The following CAMK2B variants were observed in gnomAD, a reference collection of about 807,000 sequenced individuals.
CAMK2B encodes the protein calcium/calmodulin-dependent protein kinase type II subunit beta.
A neutral mutation model predicts 93.7 loss-of-function variants in CAMK2B; 27 were observed. The observed-to-expected ratio is 0.29, with a 90% CI of 0.21 to 0.40. The LOEUF is 0.40. Among genes scored for constraint, CAMK2B ranks in the 10% least tolerant of loss-of-function variants. CAMK2B has a pLI of 1.00. For synonymous variants in CAMK2B, 374 were observed against 358.8 expected, an observed-to-expected ratio of 1.04 and a Z score of -0.48; for missense variants, 568 against 895.8, an observed-to-expected ratio of 0.63 and a Z score of 4.67.
At chr7:44,252,814 G>A (rs972389847) in intron 5 of CAMK2B, among the ~76,000 whole-genome samples, 5 of 152,244 alleles carry the variant, frequency 3.3e-5, no homozygotes, top group Non-Finnish European at 2.9e-5. Context: ...CAGGGGGACA[G>A]GGCTCCGTTC....
At chr7:44,288,931 C>T (rs573404315) in intron 1 of CAMK2B, among the ~76,000 whole-genome samples, 6 of 152,198 alleles carry the variant, frequency 3.9e-5, no homozygotes, top group East Asian at 1.9e-4. Flanking sequence ...CCAGGGCAGT[C>T]GGTGTTTCAC....
chr7:44,325,367 C>A lies in CAMK2B; in HGVS notation c.55G>T (p.Asp19Tyr). ...CGCCGCTGCTCTTACTTGCCAATAT[C>A]CTCGTAGAGCTGGTACTCGTCGGTG... ...RFTDEYQLYE[D>Y]IGKGAFSVVR... is the part of the protein sequence containing the mutation. Residue 19 changes from aspartate to tyrosine, a missense_variant, in exon 1 of 24, where the codon GAT becomes TAT. Asp to Tyr is a radical substitution (Grantham distance 160). This residue lies in a region of CAMK2B where 39 missense variants were observed against 43.4 expected (regional missense o/e 0.90). Coordinates refer to ENST00000395749, the MANE Select transcript of CAMK2B (RefSeq NM_001220.5). 1 of 1,246,894 alleles carries A rather than the reference C, an allele frequency of 8.0e-7. No individual in the cohort carries two copies. The highest frequency in any genetic ancestry group is 1.6e-5 in the South Asian group (1 of 61,030). 77.2% of individuals were successfully genotyped at this position (1,246,894 alleles called of 1,614,324 possible). A position where few individuals can be genotyped will look rare whatever the true frequency, so the allele number is the denominator to read the frequency against.
At chr7:44,270,083 C>G (rs1156621498) in intron 2 of CAMK2B, among the ~76,000 whole-genome samples, 3 of 151,988 alleles carry the variant, frequency 2.0e-5, no homozygotes, top group Non-Finnish European at 4.4e-5. Context: ...TACCCCCCCC[C>G]CATTCCAGGC....
intron 5 of CAMK2B, among the ~76,000 whole-genome samples, chr7:44,251,299 C>T (rs2096778252): frequency 6.6e-6 from 1 of 152,180 alleles, no homozygotes; most frequent in Admixed American, 6.5e-5. Context: ...ATAGTCCTGC[C>T]CTGAGTTTGT....
At chr7:44,260,467 A>G (rs1002985078) in intron 3 of CAMK2B, among the ~76,000 whole-genome samples, 1 of 152,172 alleles carries the variant, frequency 6.6e-6, no homozygotes, top group African/African-American at 2.4e-5. Context: ...CCTCCACAGA[A>G]TCAGAAAATA....
chr7:44,315,754 T>C (rs1794700271), intron 1 of CAMK2B, among the ~76,000 whole-genome samples: 1 of 152,208 alleles, frequency 6.6e-6, no homozygotes, highest in African/African-American at 2.4e-5. Flanking sequence ...CAGTGGTTTG[T>C]GGTTTTCAAT....
intron 1 of CAMK2B, 120 bp from the exon 2 acceptor site, chr7:44,284,345 C>T (rs186423577): frequency 6.4e-4 from 462 of 719,672 alleles, no homozygotes; most frequent in Middle Eastern, 6.0e-3. Context: ...GGCCCGGCCT[C>T]GGGCAGATGG....
In CAMK2B at chr7:44,286,413, C is replaced by T. The variant is rs894380666; in HGVS notation, c.66-2188G>A. ...TCAGTAGGAAGTTCAACAGACTGCA[C>T]ATCTATGCCAAGCTGATGATGCCCG... On this transcript the variant is annotated intron_variant, in intron 1 of 23. Transcript: ENST00000395749. This position sits in a 1 kb window ranked among gnomAD's most constrained non-coding sequence, Gnocchi z 4.0. Among the ~76,000 whole-genome samples the T allele has an allele frequency of 1.3e-5, 2 of 152,166 alleles. No individual in the cohort carries two copies. The highest frequency in any genetic ancestry group is 2.9e-5 in the Non-Finnish European group (2 of 68,028).
intron 2 of CAMK2B, among the ~76,000 whole-genome samples, chr7:44,277,550 C>G (rs1020553823): frequency 1.3e-5 from 2 of 152,268 alleles, no homozygotes; most frequent in South Asian, 2.1e-4. Context: ...CCTGCTCGGG[C>G]CCGGACATGA....
At chr7:44,284,412 C>T (rs1023925275) in intron 1 of CAMK2B, among the ~76,000 whole-genome samples, 187 bp from the exon 2 acceptor site, 3 of 152,268 alleles carry the variant, frequency 2.0e-5, no homozygotes, top group Admixed American at 6.5e-5. Flanking sequence ...TCTCAGCTGG[C>T]CCCACTCAAC....
At chr7:44,260,163 T>C (rs966225094) in intron 3 of CAMK2B, among the ~76,000 whole-genome samples, 2 of 152,026 alleles carry the variant, frequency 1.3e-5, no homozygotes, top group Admixed American at 6.6e-5. Flanking sequence ...CGTAGCCACC[T>C]TCTCCTAGGT....
intron 16 of CAMK2B, among the ~76,000 whole-genome samples, chr7:44,231,878 C>T (rs1296112822): frequency 3.3e-5 from 5 of 152,232 alleles, no homozygotes; most frequent in Non-Finnish European, 7.4e-5. Context: ...CCTGGGGGAC[C>T]GCCCCCTGGT....
chr7:44,235,407 A>C (rs1173455986), intron 13 of CAMK2B, among the ~76,000 whole-genome samples: 1 of 152,192 alleles, frequency 6.6e-6, no homozygotes, highest in Non-Finnish European at 1.5e-5. Flanking sequence ...CTCACCCAGC[A>C]TTCCCCCTCA....
intron 1 of CAMK2B, among the ~76,000 whole-genome samples, chr7:44,320,917 G>A (rs1795911600): frequency 1.3e-5 from 2 of 152,164 alleles, no homozygotes; most frequent in Admixed American, 1.3e-4. Flanking sequence ...ATCAGATGGG[G>A]CAAAGTGCCA....
rs746012591 is a variant in CAMK2B at position 44,220,310 on chromosome 7, G to A, written c.1769-16C>T. 67 of 1,596,836 alleles carry A rather than the reference G, an allele frequency of 4.2e-5. No homozygotes were observed. Among genetic ancestry groups the A allele is most frequent in the Non-Finnish European group, 4.9e-5 (57 of 1,166,176 alleles). ...TTGGCCAGCACTGTGGACAGCAGGC[G>A]GGGCGGGGGTCTCGGGTTACCATGA... On this transcript the variant is annotated splice_polypyrimidine_tract_variant and intron_variant, in intron 22 of 23. Coordinates refer to ENST00000395749, the MANE Select transcript of CAMK2B (RefSeq NM_001220.5).
chr7:44,239,565 G>A, intron 13 of CAMK2B, 24 bp downstream of exon 13: 2 of 1,538,800 alleles, frequency 1.3e-6, no homozygotes, highest in Non-Finnish European at 1.8e-6. Context: ...GGAGCGGGCG[G>A]GACGCTGGTC....
At chr7:44,253,359 A>G (rs571223487) in intron 5 of CAMK2B, among the ~76,000 whole-genome samples, 127 of 151,848 alleles carry the variant, frequency 8.4e-4, no homozygotes, top group African/African-American at 3.0e-3. Context: ...GATTACAGGC[A>G]TGCGCCACCA....
chr7:44,234,346 G>A (rs1447590005), intron 15 of CAMK2B, 44 bp downstream of exon 15: 4 of 1,456,832 alleles, frequency 2.7e-6, no homozygotes, highest in Admixed American at 5.4e-5. Flanking sequence ...ACACAGCCAG[G>A]GGCGTAGGAG....
intron 6 of CAMK2B, among the ~76,000 whole-genome samples, chr7:44,245,632 C>A (rs771265792): frequency 2.6e-5 from 4 of 152,174 alleles, no homozygotes; most frequent in African/African-American, 4.8e-5. Context: ...CCCAGAGGCG[C>A]CTGAGTGAGG....
Sources: allele counts gnomAD v4.1 joint callset (sites outside exome capture counted in the v4.1 genomes callset), GRCh38; gene constraint gnomAD v4.1.1; regional missense constraint gnomAD v4.1.1; non-coding constraint Gnocchi (gnomAD v3.1); transcripts MANE v1.5; gene names NCBI Gene and HGNC (gene_info 2026-07-23, HGNC 2026-07-21).